Variants in ATP6V0A1 observed in about 807,000 individuals in gnomAD.
The protein encoded by ATP6V0A1 is V-type proton ATPase 116 kDa subunit a 1.
ATP6V0A1 carries 43 observed loss-of-function variants against 105.4 expected under a neutral mutation model. The ratio of observed to expected loss-of-function variants is 0.41; its 90% confidence interval spans 0.32 to 0.53. The LOEUF is 0.53. Ranked by LOEUF, ATP6V0A1 falls within the 20% of genes least tolerant of loss-of-function variation. ATP6V0A1 has a pLI of 0.30. For missense variants in ATP6V0A1, 676 were observed against 1,051.1 expected, an observed-to-expected ratio of 0.64 and a Z score of 4.93; for synonymous variants, 362 against 372.8, an observed-to-expected ratio of 0.97 and a Z score of 0.33.
chr17:42,483,602 G>T (rs2089786222), intron 9 of ATP6V0A1, among the ~76,000 whole-genome samples: 1 of 151,856 alleles, frequency 6.6e-6, no homozygotes, highest in African/African-American at 2.4e-5. Flanking sequence ...ATTTTTTTGA[G>T]ATGGAGTCTT....
At chr17:42,491,906 G>T (rs1235665068) in intron 11 of ATP6V0A1, among the ~76,000 whole-genome samples, 3 of 151,740 alleles carry the variant, frequency 2.0e-5, no homozygotes, top group Non-Finnish European at 4.4e-5. Flanking sequence ...GTGCTGGGTG[G>T]CGTGAGCCAC....
In ATP6V0A1 at chr17:42,473,310, C is replaced by T. The variant is rs143051033; in HGVS notation, c.423+3092C>T. ...GTATGTTTTTAATGAACCTGGAATTCCAGCATGCTCACTGCCCAGACGTTA... is the reference window on the plus strand; with the variant it reads ...GTATGTTTTTAATGAACCTGGAATTTCAGCATGCTCACTGCCCAGACGTTA... On this transcript the variant is annotated intron_variant, in intron 5 of 21. Transcript: ENST00000343619. Among the ~76,000 whole-genome samples, 29 of 152,282 alleles carry T rather than the reference C, an allele frequency of 1.9e-4. No homozygotes were observed. In the East Asian group the frequency reaches 5.6e-3, roughly 29 times the overall value.
At chr17:42,506,783 T>G (rs888394895) in intron 17 of ATP6V0A1, among the ~76,000 whole-genome samples, 13 of 152,224 alleles carry the variant, frequency 8.5e-5, no homozygotes, top group Non-Finnish European at 1.3e-4. Context: ...AATCTACTTT[T>G]GGAGACCCTA....
intron 7 of ATP6V0A1, 39 bp downstream of exon 7, chr17:42,478,628 TA>T: frequency 6.6e-7 from 1 of 1,523,828 alleles, no homozygotes; most frequent in Non-Finnish European, 8.9e-7. Flanking sequence ...GTAGGTCTTG[TA>T]AAGGGAGCCC....
chr17:42,515,359 C>T (rs1300219022), intron 21 of ATP6V0A1, among the ~76,000 whole-genome samples: 1 of 151,014 alleles, frequency 6.6e-6, no homozygotes, highest in Non-Finnish European at 1.5e-5. Flanking sequence ...CCCAGCTACT[C>T]AGGAGGCTGA....
intron 6 of ATP6V0A1, among the ~76,000 whole-genome samples, chr17:42,478,160 A>G (rs2145820657): frequency 7.1e-6 from 1 of 141,590 alleles, no homozygotes; most frequent in African/African-American, 2.6e-5. Flanking sequence ...AAATTGAACA[A>G]TGAGAACACT....
At chr17:42,474,629 C>T (rs960554427) in intron 5 of ATP6V0A1, among the ~76,000 whole-genome samples, 4 of 152,190 alleles carry the variant, frequency 2.6e-5, no homozygotes, top group African/African-American at 7.2e-5. Flanking sequence ...ACTTGGGACC[C>T]TCAAATGTTG....
intron 4 of ATP6V0A1, 48 bp from the exon 5 acceptor site, chr17:42,470,042 G>T (rs1413231231): frequency 1.3e-6 from 2 of 1,515,444 alleles, no homozygotes; most frequent in East Asian, 2.4e-5. Flanking sequence ...ATGTCTTTCA[G>T]AGCAAACATA....
intron 2 of ATP6V0A1, among the ~76,000 whole-genome samples, chr17:42,465,084 C>G (rs1411693746): frequency 6.6e-6 from 1 of 152,040 alleles, no homozygotes; most frequent in Non-Finnish European, 1.5e-5. Flanking sequence ...CCTCTCCCTC[C>G]CAGGTTCAAT....
chr17:42,521,068 A>G lies in ATP6V0A1; in HGVS notation c.2462A>G (p.Lys821Arg). Residue 821 changes from lysine to arginine, a missense_variant, in exon 22 of 22, where the codon AAG (lysine) becomes AGG (arginine). This residue lies in a region of ATP6V0A1 where 435 missense variants were observed against 642.2 expected (regional missense o/e 0.68). Transcript: ENST00000343619. This position sits in a 1 kb window ranked among gnomAD's most constrained non-coding sequence, Gnocchi z 4.8. Reference sequence around the variant, plus strand: ...AAATTCTACAGCGGGACCGGTTTCAAGTTCTTACCCTTCTCCTTCGAGCAT... The same window carrying G: ...AAATTCTACAGCGGGACCGGTTTCAGGTTCTTACCCTTCTCCTTCGAGCAT... ...QNKFYSGTGFKFLPFSFEHIR... is the reference protein window; with the variant it reads ...QNKFYSGTGFRFLPFSFEHIR... 1 of 1,610,602 alleles carries G rather than the reference A, an allele frequency of 6.2e-7. No homozygotes were observed.
intron 2 of ATP6V0A1, among the ~76,000 whole-genome samples, chr17:42,462,632 C>G (rs1286227279): frequency 6.6e-6 from 1 of 152,078 alleles, no homozygotes; most frequent in Non-Finnish European, 1.5e-5. Context: ...ATTGGCCAGG[C>G]TGGTCTCGAA....
At chr17:42,502,307 G>A (rs998874792) in intron 17 of ATP6V0A1, among the ~76,000 whole-genome samples, 14 of 152,198 alleles carry the variant, frequency 9.2e-5, no homozygotes, top group Admixed American at 4.6e-4. Flanking sequence ...TCACTCATGC[G>A]GTTTGCCTGG....
intron 19 of ATP6V0A1, chr17:42,509,973 C>T (rs1231876838): frequency 1.3e-5 from 2 of 152,204 alleles, no homozygotes; most frequent in Non-Finnish European, 2.9e-5. Context: ...TGATTTCAAA[C>T]CAAACAGGTT....
At chr17:42,498,643 G>A (rs1406512006) in intron 14 of ATP6V0A1, among the ~76,000 whole-genome samples, 1 of 151,966 alleles carries the variant, frequency 6.6e-6, no homozygotes. Context: ...TGGCTAACAC[G>A]GTGAAACCCT....
chr17:42,517,468 T>C (rs1452653097), intron 21 of ATP6V0A1, among the ~76,000 whole-genome samples: 1 of 152,042 alleles, frequency 6.6e-6, no homozygotes, highest in Non-Finnish European at 1.5e-5. Flanking sequence ...CCCATATATG[T>C]CGTATTTATT....
chr17:42,517,281 AAACAAC>A (rs547241454), intron 21 of ATP6V0A1, among the ~76,000 whole-genome samples: 11 of 149,808 alleles, frequency 7.3e-5, no homozygotes, highest in South Asian at 2.1e-4. Flanking sequence ...CTCCGTCTCA[AAACAAC>A]AACAACAACA....
intron 15 of ATP6V0A1, among the ~76,000 whole-genome samples, chr17:42,500,104 T>A (rs1271777178): frequency 6.7e-6 from 1 of 149,336 alleles, no homozygotes; most frequent in African/African-American, 2.5e-5. Flanking sequence ...AGTTATGAAC[T>A]GTGGTCTCAA....
chr17:42,503,432 C>G (rs1241449684), intron 17 of ATP6V0A1, among the ~76,000 whole-genome samples: 1 of 152,192 alleles, frequency 6.6e-6, no homozygotes, highest in Non-Finnish European at 1.5e-5. Context: ...CCTCTGCTCT[C>G]CGATGTGTCG....
intron 7 of ATP6V0A1, chr17:42,480,292 T>G (rs2089326934): frequency 6.5e-6 from 1 of 154,164 alleles, no homozygotes; most frequent in Non-Finnish European, 1.4e-5. Context: ...TCTAAGAATT[T>G]CTAAGTCCCA....
Sources: allele counts gnomAD v4.1 joint callset (sites outside exome capture counted in the v4.1 genomes callset), GRCh38; gene constraint gnomAD v4.1.1; regional missense constraint gnomAD v4.1.1; non-coding constraint Gnocchi (gnomAD v3.1); transcripts MANE v1.5; gene names NCBI Gene and HGNC (gene_info 2026-07-23, HGNC 2026-07-21).